NPIPB2: variants seen among roughly 807,000 people sequenced by gnomAD.
NPIPB2 encodes nuclear pore complex-interacting protein family member B2.
A neutral mutation model predicts 30.8 loss-of-function variants in NPIPB2; 27 were observed. The ratio of observed to expected loss-of-function variants is 0.88; its 90% CI spans 0.65 to 1.21. The LOEUF is 1.21. Ranked by LOEUF, NPIPB2 falls within the 50% of genes most tolerant of loss-of-function variation. The probability of loss-of-function intolerance (pLI) is 0.00; values close to 1 mark genes in which losing one functional copy is unlikely to be tolerated. For missense variants in NPIPB2, 440 were observed against 446.2 expected (o/e 0.99, Z 0.13); for synonymous variants, 147 against 162.0 (o/e 0.91, Z 0.70).
intron 1 of NPIPB2, among the ~76,000 whole-genome samples, chr16:11,974,904 T>C (rs891604420): frequency 6.6e-6 from 1 of 151,700 alleles, no homozygotes; most frequent in South Asian, 2.1e-4. Context: ...AAACCCCGTC[T>C]CTACTAAAAA....
intron 4 of NPIPB2, among the ~76,000 whole-genome samples, chr16:11,930,927 TCACC>T (rs2054782657): frequency 1.9e-5 from 2 of 106,354 alleles, no homozygotes; most frequent in African/African-American, 3.7e-5. Context: ...AAACCAGACC[TCACC>T]AATTCATCAC....
chr16:11,946,865 G>A (rs1347021892), upstream of NPIPB2, among the ~76,000 whole-genome samples: 5 of 151,490 alleles, frequency 3.3e-5, no homozygotes, highest in African/African-American at 4.8e-5. Context: ...GATTACAGGC[G>A]CCCGCCACCA....
chr16:11,963,355 G>C (rs377270247), intron 1 of NPIPB2, among the ~76,000 whole-genome samples: 1 of 150,994 alleles, frequency 6.6e-6, no homozygotes, highest in South Asian at 2.1e-4. Flanking sequence ...ACTCCAGCCT[G>C]GGCAATAACA....
chr16:11,972,558 C>T (rs2055242325), intron 1 of NPIPB2, among the ~76,000 whole-genome samples: 1 of 151,284 alleles, frequency 6.6e-6, no homozygotes, highest in Admixed American at 6.6e-5. Flanking sequence ...ATGAGTAACA[C>T]AGTGAGACCG....
chr16:11,946,047 A>G (rs1035118582), upstream of NPIPB2, among the ~76,000 whole-genome samples: 1 of 151,726 alleles, frequency 6.6e-6, no homozygotes, highest in Non-Finnish European at 1.5e-5. Flanking sequence ...GAAAAGAAAA[A>G]AAGAAAGAAT....
At chr16:11,944,356 G>A (rs768738700), upstream of NPIPB2, among the ~76,000 whole-genome samples, 4 of 151,726 alleles carry the variant, frequency 2.6e-5, no homozygotes, top group East Asian at 2.0e-4. Context: ...TAGTAGAGAC[G>A]GGGGTTTCAC....
chr16:11,944,986 C>G (rs2054990042), upstream of NPIPB2, among the ~76,000 whole-genome samples: 1 of 150,918 alleles, frequency 6.6e-6, no homozygotes. Flanking sequence ...CAAGGCCAGC[C>G]TGACCAACAT....
intron 1 of NPIPB2, among the ~76,000 whole-genome samples, chr16:11,951,798 C>T (rs904203176): frequency 6.6e-5 from 10 of 151,974 alleles, no homozygotes; most frequent in African/African-American, 1.9e-4. Context: ...GAGGCCGAGG[C>T]GGGCGGATGA....
chr16:11,933,650 C>T, exon 4 of NPIPB2: 1 of 1,596,758 alleles, frequency 6.3e-7, no homozygotes, highest in East Asian at 2.2e-5. Context: ...TCTTTCAGGC[C>T]AATTTTATTT....
chr16:11,966,165 C>T, intron 1 of NPIPB2: 2 of 1,583,222 alleles, frequency 1.3e-6, no homozygotes, highest in Non-Finnish European at 1.7e-6. Flanking sequence ...GTTATCAGCT[C>T]ATTATCTGTC....
chr16:11,948,849 A>G (rs1345059098), intron 1 of NPIPB2, among the ~76,000 whole-genome samples: 1 of 150,968 alleles, frequency 6.6e-6, no homozygotes, highest in Non-Finnish European at 1.5e-5. Flanking sequence ...TGAAAAAGGC[A>G]GTGATTTGTT....
intron 1 of NPIPB2, among the ~76,000 whole-genome samples, chr16:11,962,103 T>C (rs994615013): frequency 2.9e-5 from 4 of 139,636 alleles, no homozygotes; most frequent in Admixed American, 1.5e-4. Flanking sequence ...GAGGCTGAGG[T>C]GGGAGGATCG....
At chr16:11,972,460 A>C (rs1332451680) in intron 1 of NPIPB2, among the ~76,000 whole-genome samples, 1 of 152,054 alleles carries the variant, frequency 6.6e-6, no homozygotes, top group Non-Finnish European at 1.5e-5. Flanking sequence ...CTGTAATCCC[A>C]GCTACTTTGG....
At position 11,933,724 on chromosome 16, in the gene NPIPB2, T is replaced by A. The variant is rs577808512; in HGVS notation, c.293-12A>T. 5 of 1,596,634 alleles carry A rather than the reference T, an allele frequency of 3.1e-6. No individual in the cohort carries two copies. The African/African-American group carries it at 6.7e-5, about 21-fold the overall frequency. On this transcript the variant is annotated splice_polypyrimidine_tract_variant and intron_variant, in intron 3 of 7. Coordinates refer to ENST00000399147, the Ensembl canonical transcript of NPIPB2. ...AATGGACCTCAGCCCTTGGTGAGAG[T>A]GAGGAGAGGAGAAGGTGAGAAACCT...
intron 1 of NPIPB2, among the ~76,000 whole-genome samples, chr16:11,956,428 C>T (rs941763076): frequency 2.0e-5 from 3 of 152,282 alleles, no homozygotes; most frequent in African/African-American, 2.4e-5. Flanking sequence ...GTAATTTCAG[C>T]GCTTTGGGAG....
At chr16:11,945,720 G>A (rs2055000684), upstream of NPIPB2, among the ~76,000 whole-genome samples, 1 of 151,848 alleles carries the variant, frequency 6.6e-6, no homozygotes, top group Non-Finnish European at 1.5e-5. Flanking sequence ...GAGTCATGCT[G>A]AGCATAGGGA....
At chr16:11,945,362 C>T (rs1273315653), upstream of NPIPB2, among the ~76,000 whole-genome samples, 1 of 152,000 alleles carries the variant, frequency 6.6e-6, no homozygotes, top group Non-Finnish European at 1.5e-5. Flanking sequence ...GCCTGGGCAA[C>T]ATAGTGAGAC....
At chr16:11,961,432 A>T (rs566805007) in intron 1 of NPIPB2, among the ~76,000 whole-genome samples, 56 of 152,292 alleles carry the variant, frequency 3.7e-4, no homozygotes, top group African/African-American at 1.3e-3. Flanking sequence ...GTATTTTTTT[A>T]AATTTCTGCA....
At position 11,966,352 on chromosome 16, in the gene NPIPB2, T is replaced by C. The variant is rs758505485; in HGVS notation, c.-584+10216A>G. On this transcript the variant is annotated intron_variant, in intron 1 of 5. Coordinates refer to the NPIPB2 transcript ENST00000538896. ...AGTTTAAAAACACAGGTTGGTTTGA[T>C]GGTGAATCTTTGAAATCTATTTCCA... 8.1e-6 allele frequency: 13 copies of C among 1,604,072 alleles called. No individual in the cohort carries two copies. In the African/African-American group the frequency reaches 1.3e-4, roughly 17 times the overall value.
Sources: gnomAD v4.1 joint callset for allele counts (sites outside exome capture counted in the v4.1 genomes callset) on GRCh38, gnomAD v4.1.1 for gene constraint, MANE v1.5 for transcripts, NCBI Gene and HGNC (gene_info 2026-07-23, HGNC 2026-07-21) for gene names.